The following RBL2 variants were observed in gnomAD, a reference collection of about 807,000 sequenced individuals.
RBL2 encodes RB transcriptional corepressor like 2.
Under a neutral mutation model 126.0 loss-of-function variants are expected in RBL2, and 56 were observed. The observed-to-expected ratio is 0.44, with a 90% CI of 0.36 to 0.56. RBL2 has a LOEUF of 0.56. Ranked by LOEUF, RBL2 falls within the 20% of genes least tolerant of loss-of-function variation. RBL2 has a pLI of 0.00. For missense variants in RBL2, 1,229 were observed against 1,398.2 expected (o/e 0.88, Z 1.93); for synonymous variants, 454 against 478.5 (o/e 0.95, Z 0.67).
At chr16:53,485,852 T>A (rs1961146233) in intron 21 of RBL2, among the ~76,000 whole-genome samples, 1 of 147,768 alleles carries the variant, frequency 6.8e-6, no homozygotes. Flanking sequence ...TGAGACCATC[T>A]AAAAAAAAAC....
At position 53,470,673 on chromosome 16, in the gene RBL2, C is replaced by T; in HGVS notation, c.2526+10C>T. 1.2e-6 allele frequency: 2 copies of T among 1,613,512 alleles called. No individual in the cohort carries two copies. The highest frequency in any genetic ancestry group is 1.1e-5 in the South Asian group (1 of 91,062). On this transcript the variant is annotated intron_variant, in intron 16 of 21. Coordinates refer to ENST00000262133, the MANE Select transcript of RBL2 (RefSeq NM_005611.4). ...GCTTTTCTTTAGAAAGGTAATTTTT[C>T]ACATACCTTATCAGAGCATGAGCTT...
chr16:53,459,645 A>C (rs767364159), intron 9 of RBL2, 28 bp downstream of exon 9: 2 of 1,505,850 alleles, frequency 1.3e-6, no homozygotes, highest in Admixed American at 4.9e-5. Context: ...CTGCTTTCTA[A>C]GATTTGGTTA....
In RBL2 at chr16:53,479,212, A is replaced by G. The variant is rs772759992; in HGVS notation, c.2762A>G (p.Gln921Arg). ...ATGCGTTGTTATAGGACTCAGCCGC[A>G]GGCCCGGAGCCAGGTAACTACATTT... Reference protein sequence around the residue: ...NIMRCYRTQPQARSQVYRSVL... With the variant: ...NIMRCYRTQPRARSQVYRSVL... Residue 921 changes from glutamine (Q) to arginine (R), a missense_variant, in exon 18 of 22, where the codon CAG becomes CGG. By Grantham distance (43) the Gln-to-Arg change is conservative. Around this residue, in one of 2 missense-constraint regions of RBL2, gnomAD observed 1,070 missense variants for 1,274.3 expected, o/e 0.84. Coordinates refer to ENST00000262133, the MANE Select transcript of RBL2 (RefSeq NM_005611.4). 3 of 1,613,606 alleles carry G rather than the reference A, an allele frequency of 1.9e-6. No homozygotes were observed. The highest frequency in any genetic ancestry group is 2.5e-6 in the Non-Finnish European group (3 of 1,179,516).
intron 20 of RBL2, 40 bp downstream of exon 20, chr16:53,480,809 TGA>T: frequency 1.3e-6 from 2 of 1,562,138 alleles, no homozygotes; most frequent in African/African-American, 1.4e-5. Context: ...TTTTCACTCA[TGA>T]GTGTTGAGGA....
At chr16:53,435,859 T>G (rs2153136911) in intron 1 of RBL2, 1 of 1,030,266 alleles carries the variant, frequency 9.7e-7, no homozygotes, top group Non-Finnish European at 1.3e-6. Context: ...TTTGAATTGT[T>G]AGGTCTGCAG....
Position 53,462,636 on chromosome 16 carries a change from T to A in RBL2, c.1541T>A (p.Leu514Gln), listed in dbSNP as rs769694024. 1 of 1,555,536 alleles carries A rather than the reference T, an allele frequency of 6.4e-7. No homozygotes were observed. The highest frequency in any genetic ancestry group is 2.1e-5 in the Admixed American group (1 of 47,464). The change falls in exon 11 of 22, where the codon CTA (leucine) becomes CAA (glutamine). Residue 514 changes from leucine (L) to glutamine (Q), a missense_variant. Leu to Gln is a moderately radical substitution (Grantham distance 113). Around this residue, in one of 2 missense-constraint regions of RBL2, gnomAD observed 1,070 missense variants for 1,274.3 expected, o/e 0.84. Coordinates refer to ENST00000262133, the MANE Select transcript of RBL2 (RefSeq NM_005611.4). ...ESVIEQEQKRLGDMDLSGILE... is the reference protein window; with the variant it reads ...ESVIEQEQKRQGDMDLSGILE... The stretch of plus-strand genomic sequence containing the variant: ...GTTATTGAGCAGGAACAAAAAAGAC[T>A]AGGAGACATGGATTTATCTGTGAGT...
chr16:53,455,172 A>G (rs988315358), intron 8 of RBL2, among the ~76,000 whole-genome samples: 1 of 152,238 alleles, frequency 6.6e-6, no homozygotes, highest in Non-Finnish European at 1.5e-5. Context: ...GAAAGTGATA[A>G]TTGACCTGAC....
intron 17 of RBL2, among the ~76,000 whole-genome samples, chr16:53,474,238 G>A (rs1375503311): frequency 6.6e-6 from 1 of 152,132 alleles, no homozygotes; most frequent in Non-Finnish European, 1.5e-5. Context: ...CAGTCCTCAT[G>A]CCTCAGCCTC....
At chr16:53,435,695 T>C (rs745331231) in intron 1 of RBL2, 1 of 1,289,034 alleles carries the variant, frequency 7.8e-7, no homozygotes, top group South Asian at 1.2e-5. Flanking sequence ...TTATAATTAA[T>C]TTGTAGAAAG....
At position 53,470,469 on chromosome 16, in the gene RBL2, C is replaced by T; in HGVS notation, c.2332C>T (p.Gln778Ter). 2 of 1,614,146 alleles carry T rather than the reference C, an allele frequency of 1.2e-6. No homozygotes were observed. Among genetic ancestry groups the T allele is most frequent in the Non-Finnish European group, 1.7e-6 (2 of 1,180,030 alleles). ...GQAQAVTGSI[Q>*]PLSAQALAGS... ...GGCACAAGCTGTGACAGGCTCCATC[C>T]AGCCCCTCAGTGCTCAGGCCCTGGC... Residue 778 changes from glutamine to a stop codon, truncating the protein, a stop_gained, in exon 16 of 22, where the codon CAG becomes TAG. Coordinates refer to ENST00000262133, the MANE Select transcript of RBL2 (RefSeq NM_005611.4). LOFTEE classifies it high-confidence loss of function.
intron 4 of RBL2, among the ~76,000 whole-genome samples, chr16:53,450,536 A>C (rs1162439145): frequency 6.6e-6 from 1 of 152,258 alleles, no homozygotes; most frequent in Non-Finnish European, 1.5e-5. Flanking sequence ...GTTATAAAAT[A>C]ACTAGAAATA....
Position 53,466,512 on chromosome 16 carries a change from A to G in RBL2, c.1864-546A>G, listed in dbSNP as rs1278992034. ...TGTTTTCCTGCAACTAGATGGTCCC[A>G]TCTGGGGGCGGTGGGAGACAGTGAC... On this transcript the variant is annotated intron_variant, in intron 13 of 21. Coordinates refer to ENST00000262133, the MANE Select transcript of RBL2 (RefSeq NM_005611.4). 3.3e-5 allele frequency among the ~76,000 whole-genome samples: 5 copies of G among 151,986 alleles called. No individual in the cohort carries two copies. In the East Asian group the frequency reaches 9.6e-4, roughly 29 times the overall value.
chr16:53,464,200 C>T, intron 11 of RBL2, 26 bp from the exon 12 acceptor site: 2 of 1,495,468 alleles, frequency 1.3e-6, no homozygotes. Context: ...GTAAATGTTT[C>T]TAATGCTAAT....
intron 1 of RBL2, chr16:53,435,894 A>T (rs1345348400): frequency 2.7e-6 from 2 of 747,782 alleles, no homozygotes; most frequent in Non-Finnish European, 3.7e-6. Flanking sequence ...TGGCTTTAGA[A>T]CCCGACAGAC....
intron 4 of RBL2, among the ~76,000 whole-genome samples, chr16:53,448,203 G>A (rs1423096838): frequency 6.6e-6 from 1 of 151,986 alleles, no homozygotes; most frequent in Non-Finnish European, 1.5e-5. Flanking sequence ...TGTTGCCCAG[G>A]CTGGAGTGCA....
chr16:53,457,277 T>TTG lies in RBL2; in HGVS notation c.1180-2174_1180-2173insTG, dbSNP rs1213898728. Among the ~76,000 whole-genome samples the TTG allele has an allele frequency of 4.3e-5, 6 of 139,980 alleles. No individual in the cohort carries two copies. In the Admixed American group the frequency reaches 4.4e-4, roughly 10 times the overall value. 91.8% of individuals were successfully genotyped at this position (139,980 alleles called of 152,430 possible). A position where few individuals can be genotyped will look rare whatever the true frequency, so the allele number is the denominator to read the frequency against. ...AGATAGCTTTTTTTTTTTTTTTTTT[T>TTG]GAGATGGAGTCTCGCTCTGTCACCC... On this transcript the variant is annotated intron_variant, in intron 8 of 21. Coordinates refer to ENST00000262133, the MANE Select transcript of RBL2 (RefSeq NM_005611.4).
At chr16:53,441,201 C>A (rs947297302) in intron 2 of RBL2, among the ~76,000 whole-genome samples, 1 of 152,126 alleles carries the variant, frequency 6.6e-6, no homozygotes, top group Admixed American at 6.5e-5. Context: ...CTCAAGTGAT[C>A]TACCTGCCTC....
intron 12 of RBL2, chr16:53,464,844 A>AGT (rs2058256455): frequency 6.6e-6 from 1 of 152,252 alleles, no homozygotes; most frequent in African/African-American, 2.4e-5. Context: ...CCCAGGCTGG[A>AGT]GTGCAGTGGC....
At chr16:53,440,700 C>T (rs141169797) in intron 2 of RBL2, among the ~76,000 whole-genome samples, 101 of 152,058 alleles carry the variant, frequency 6.6e-4, no homozygotes, top group Non-Finnish European at 1.3e-3. Context: ...ATTACAGATG[C>T]GCACCACCAC....
Sources: gnomAD v4.1 joint callset for allele counts (sites outside exome capture counted in the v4.1 genomes callset) on GRCh38, gnomAD v4.1.1 for gene constraint, gnomAD v4.1.1 regional missense constraint, MANE v1.5 for transcripts, NCBI Gene and HGNC (gene_info 2026-07-23, HGNC 2026-07-21) for gene names.